Variants in PRIM2 observed in about 807,000 individuals in gnomAD.
PRIM2 encodes DNA primase subunit 2.
A neutral mutation model predicts 67.3 loss-of-function variants in PRIM2; 39 were observed. The ratio of observed to expected loss-of-function variants is 0.58; its 90% CI spans 0.45 to 0.76. The LOEUF is 0.76. Ranked by LOEUF, PRIM2 falls within the 30% of genes least tolerant of loss-of-function variation. The pLI, the probability that PRIM2 is intolerant of heterozygous loss-of-function variation, is 0.00. For missense variants in PRIM2, 398 were observed against 598.7 expected, an observed-to-expected ratio of 0.66 and a Z score of 3.50; for synonymous variants, 143 against 198.7, an observed-to-expected ratio of 0.72 and a Z score of 2.36.
the PRIM2 span, among the ~76,000 whole-genome samples, chr6:57,305,413 T>C: frequency 6.6e-6 from 1 of 152,132 alleles, no homozygotes; most frequent in Non-Finnish European, 1.5e-5. Context: ...GAGGCAGGGG[T>C]GCAGAAATGG....
chr6:57,645,503 T>TA (rs1333614539), intron 13 of PRIM2, among the ~76,000 whole-genome samples: 1 of 149,838 alleles, frequency 6.7e-6, no homozygotes, highest in Non-Finnish European at 1.5e-5. Context: ...AGGTGGGAGT[T>TA]GGGGGCTGGG....
At chr6:57,386,811 A>G (rs915903074) in intron 7 of PRIM2, among the ~76,000 whole-genome samples, 1 of 151,612 alleles carries the variant, frequency 6.6e-6, no homozygotes, top group African/African-American at 2.4e-5. Flanking sequence ...AGCTTTATAA[A>G]TGGAAATATT....
chr6:57,324,159 A>C (rs777626264), intron 3 of PRIM2, 42 bp from the exon 4 acceptor site: 1 of 1,110,444 alleles, frequency 9.0e-7, no homozygotes, highest in Non-Finnish European at 1.4e-6. Context: ...ACCTCTTACC[A>C]TTCTAATGCA....
chr6:57,405,519 T>C (rs571054001), intron 7 of PRIM2, among the ~76,000 whole-genome samples: 1 of 139,064 alleles, frequency 7.2e-6, no homozygotes, highest in Admixed American at 7.4e-5. Context: ...ACTGTATTAA[T>C]TAAACTAACT....
chr6:57,282,805 A>C, the PRIM2 span, among the ~76,000 whole-genome samples: 1 of 152,166 alleles, frequency 6.6e-6, no homozygotes, highest in South Asian at 2.1e-4. Context: ...TGGCCTCCAG[A>C]ACCATAAGAA....
intron 7 of PRIM2, among the ~76,000 whole-genome samples, chr6:57,479,637 C>G (rs1393117985): frequency 5.8e-4 from 89 of 152,302 alleles, no homozygotes; most frequent in African/African-American, 1.9e-3. Context: ...TATATATTAT[C>G]CCATACACGT....
intron 13 of PRIM2, among the ~76,000 whole-genome samples, chr6:57,636,360 T>G (rs1223666575): frequency 1.5e-4 from 23 of 152,150 alleles, no homozygotes; most frequent in African/African-American, 5.5e-4. Flanking sequence ...CCTAATTTAA[T>G]TTGAAAGTGA....
intron 10 of PRIM2, among the ~76,000 whole-genome samples, chr6:57,540,645 A>G (rs1775128534): frequency 6.6e-6 from 1 of 152,232 alleles, no homozygotes; most frequent in Non-Finnish European, 1.5e-5. Flanking sequence ...ATTTACTAAC[A>G]TGAGATATAC....
the PRIM2 span, among the ~76,000 whole-genome samples, chr6:57,277,013 A>T: frequency 6.6e-6 from 1 of 152,156 alleles, no homozygotes; most frequent in Non-Finnish European, 1.5e-5. Flanking sequence ...GAGAAGAGGA[A>T]GAAGGAGAAG....
At chr6:57,627,279 CAAAAAAAAA>C (rs1158722297) in intron 12 of PRIM2, among the ~76,000 whole-genome samples, 1 of 24,538 alleles carries the variant, frequency 4.1e-5, no homozygotes, top group African/African-American at 1.2e-4. Flanking sequence ...GACTCTGTCT[CAAAAAAAAA>C]AAAAAAAAAA....
chr6:57,452,704 A>G (rs1180559509), intron 7 of PRIM2, among the ~76,000 whole-genome samples: 1 of 152,116 alleles, frequency 6.6e-6, no homozygotes, highest in Non-Finnish European at 1.5e-5. Flanking sequence ...AGATGAATAG[A>G]TTGCAAAAAT....
At chr6:57,456,950 G>A (rs577333398) in intron 7 of PRIM2, among the ~76,000 whole-genome samples, 9 of 152,086 alleles carry the variant, frequency 5.9e-5, no homozygotes, top group Non-Finnish European at 1.0e-4. Context: ...TGATGGTGAC[G>A]TACAGATGGG....
intron 10 of PRIM2, among the ~76,000 whole-genome samples, chr6:57,554,177 A>G (rs1713444247): frequency 6.7e-6 from 1 of 149,072 alleles, no homozygotes; most frequent in Non-Finnish European, 1.5e-5. Context: ...TTTCATCCCA[A>G]ACAGTAATGA....
rs1774302171 is a variant in PRIM2, at chr6:57,508,872, G to T, written c.761+1418G>T. 2.0e-5 allele frequency among the ~76,000 whole-genome samples: 3 copies of T among 151,994 alleles called. No individual in the cohort carries two copies. The South Asian group carries it at 6.2e-4, about 32-fold the overall frequency. On this transcript the variant is annotated intron_variant, in intron 8 of 13. Transcript: ENST00000615550. ...CTTTAAAGGATAGTGACTCTTTGTTGTATTTGTTACATACTTTTTTTCTAA... is the reference window on the plus strand; with the variant it reads ...CTTTAAAGGATAGTGACTCTTTGTTTTATTTGTTACATACTTTTTTTCTAA...
chr6:57,306,280 C>A, the PRIM2 span, among the ~76,000 whole-genome samples: 1 of 152,076 alleles, frequency 6.6e-6, no homozygotes, highest in Non-Finnish European at 1.5e-5. Flanking sequence ...CTATGGTACC[C>A]AAGTGAGAGG....
intron 13 of PRIM2, among the ~76,000 whole-genome samples, chr6:57,636,065 A>C (rs1777115917): frequency 6.6e-6 from 1 of 152,346 alleles, no homozygotes; most frequent in African/African-American, 2.4e-5. Context: ...ACTAGGACCA[A>C]GCTAGTGTGG....
intron 8 of PRIM2, among the ~76,000 whole-genome samples, chr6:57,525,882 G>T (rs1554349312): frequency 2.0e-5 from 3 of 152,186 alleles, no homozygotes; most frequent in Non-Finnish European, 4.4e-5. Context: ...TGCTTAATAA[G>T]TGTATGCTGA....
intron 7 of PRIM2, among the ~76,000 whole-genome samples, chr6:57,486,197 G>T (rs1773749689): frequency 6.6e-6 from 1 of 152,160 alleles, no homozygotes; most frequent in Non-Finnish European, 1.5e-5. Context: ...AGAAGAGGAG[G>T]CCGAAAGAGG....
chr6:57,387,263 A>G (rs1234425580), intron 7 of PRIM2, among the ~76,000 whole-genome samples: 1 of 152,200 alleles, frequency 6.6e-6, no homozygotes, highest in Non-Finnish European at 1.5e-5. Flanking sequence ...CATGTGGCAC[A>G]TAGGGTTAGT....
Sources: allele counts gnomAD v4.1 joint callset (sites outside exome capture counted in the v4.1 genomes callset), GRCh38; gene constraint gnomAD v4.1.1; transcripts MANE v1.5; gene names NCBI Gene and HGNC (gene_info 2026-07-23, HGNC 2026-07-21).